The following SNAP23 variants were observed in gnomAD, a reference collection of about 807,000 sequenced individuals.
SNAP23 encodes synaptosome associated protein 23, also known as synaptosomal-associated protein 23.
Under a neutral mutation model 29.0 loss-of-function variants are expected in SNAP23, and 11 were observed. That is an observed-to-expected ratio of 0.38 (90% CI 0.24 to 0.63). SNAP23 has a LOEUF of 0.63. SNAP23 is among the 20% of genes least tolerant of loss of function. The pLI, the probability that SNAP23 is intolerant of heterozygous loss-of-function variation, is 0.58. For missense variants in SNAP23, 220 were observed against 253.9 expected, an observed-to-expected ratio of 0.87 and a Z score of 0.91; for synonymous variants, 60 against 82.9, an observed-to-expected ratio of 0.72 and a Z score of 1.50.
At chr15:42,493,350 C>A (rs112339499), upstream of SNAP23, among the ~76,000 whole-genome samples, 10,327 of 150,298 alleles carry the variant, frequency 0.069, 511 homozygotes, top group Admixed American at 0.15. Context: ...CTCTCTCTCT[C>A]TCTCTATATA....
chr15:42,521,412 G>GAGGAAAAAT, intron 5 of SNAP23: 1 of 965,180 alleles, frequency 1.0e-6, no homozygotes, highest in Non-Finnish European at 1.2e-6. Flanking sequence ...AATGTGCTCT[G>GAGGAAAAAT]GTTTAAATAG....
At chr15:42,521,800 G>C in intron 5 of SNAP23, 1 of 472,250 alleles carries the variant, frequency 2.1e-6, no homozygotes. Context: ...GTAGTGTAAA[G>C]TGAATTTGTT....
intron 6 of SNAP23, among the ~76,000 whole-genome samples, chr15:42,528,831 C>G (rs886735374): frequency 4.6e-5 from 7 of 152,166 alleles, no homozygotes; most frequent in Non-Finnish European, 8.8e-5. Context: ...GGTGATCCAC[C>G]TGCCTCGGCC....
upstream of SNAP23, among the ~76,000 whole-genome samples, chr15:42,493,553 T>G (rs891631009): frequency 1.5e-4 from 23 of 152,012 alleles, no homozygotes; most frequent in African/African-American, 5.6e-4. Flanking sequence ...ATCACAACCC[T>G]AAATGAACTA....
chr15:42,500,935 TTC>T (rs1168702559), intron 1 of SNAP23, among the ~76,000 whole-genome samples: 2 of 152,334 alleles, frequency 1.3e-5, no homozygotes, highest in Admixed American at 1.3e-4. Context: ...TTTTCCAGAA[TTC>T]TCTCTTCTTG....
chr15:42,517,821 C>T (rs1226105758), intron 5 of SNAP23, among the ~76,000 whole-genome samples: 2 of 152,144 alleles, frequency 1.3e-5, no homozygotes, highest in Non-Finnish European at 2.9e-5. Context: ...AGCAATCCAC[C>T]CACATCAGCC....
At chr15:42,520,322 T>A (rs983946582) in intron 5 of SNAP23, among the ~76,000 whole-genome samples, 5 of 152,064 alleles carry the variant, frequency 3.3e-5, no homozygotes, top group Admixed American at 6.5e-5. Context: ...GTGCTGGGAT[T>A]ACAGGCGTGA....
chr15:42,502,902 C>T lies in SNAP23; in HGVS notation c.-15+7189C>T, dbSNP rs527756815. On this transcript the variant is annotated intron_variant, in intron 1 of 7. Transcript: ENST00000249647. ...ATTTGACAGGGACTTGAAGACCAGG[C>T]GTTGGACATCAAGCAATTAAGTTAC... is the stretch of plus-strand genomic sequence containing the variant. Among the ~76,000 whole-genome samples the T allele has an allele frequency of 5.9e-5, 9 of 152,236 alleles. No homozygotes were observed. In the South Asian group the frequency reaches 8.3e-4, roughly 14 times the overall value.
intron 5 of SNAP23, among the ~76,000 whole-genome samples, chr15:42,526,748 G>C (rs1056371468): frequency 6.6e-6 from 1 of 151,724 alleles, no homozygotes; most frequent in African/African-American, 2.4e-5. Flanking sequence ...AAATAATCAA[G>C]AAAAGTTTTG....
intron 2 of SNAP23, 44 bp from the exon 3 acceptor site, chr15:42,512,911 T>C (rs2057368292): frequency 1.3e-6 from 2 of 1,494,134 alleles, no homozygotes; most frequent in African/African-American, 1.4e-5. Flanking sequence ...CAGATTTTTT[T>C]TTCTACATAT....
At chr15:42,529,195 A>C (rs1222386325) in intron 6 of SNAP23, among the ~76,000 whole-genome samples, 1 of 152,214 alleles carries the variant, frequency 6.6e-6, no homozygotes, top group Non-Finnish European at 1.5e-5. Flanking sequence ...TTTGAATAAC[A>C]CTTGATTTAC....
chr15:42,496,261 A>C (rs2057218682), intron 1 of SNAP23, among the ~76,000 whole-genome samples: 1 of 152,200 alleles, frequency 6.6e-6, no homozygotes, highest in Non-Finnish European at 1.5e-5. Flanking sequence ...TTCTTTAATC[A>C]GTCACCACAA....
chr15:42,508,122 C>T (rs957205849), intron 1 of SNAP23, among the ~76,000 whole-genome samples: 23 of 151,764 alleles, frequency 1.5e-4, no homozygotes, highest in South Asian at 1.5e-3. Context: ...AAAAATTAGC[C>T]GGGCATGATG....
chr15:42,510,789 A>G (rs1045817624), intron 1 of SNAP23, among the ~76,000 whole-genome samples: 3 of 152,158 alleles, frequency 2.0e-5, no homozygotes, highest in African/African-American at 7.2e-5. Flanking sequence ...GGGTCAGATT[A>G]TTCTTTGCTG....
intron 5 of SNAP23, among the ~76,000 whole-genome samples, chr15:42,517,678 AC>A (rs2057408501): frequency 6.6e-6 from 1 of 152,060 alleles, no homozygotes; most frequent in African/African-American, 2.4e-5. Context: ...TCAGCCTCTA[AC>A]CTCAGTAGAA....
At chr15:42,494,839 T>C (rs2057202993), upstream of SNAP23, among the ~76,000 whole-genome samples, 2 of 152,106 alleles carry the variant, frequency 1.3e-5, no homozygotes, top group African/African-American at 2.4e-5. Flanking sequence ...TTTTCTTGAT[T>C]TCCAGCAGTT....
chr15:42,515,332 C>G lies in SNAP23; in HGVS notation c.244C>G (p.Leu82Val). 1 of 1,605,312 alleles carries G rather than the reference C, an allele frequency of 6.2e-7. No individual in the cohort carries two copies. The highest frequency in any genetic ancestry group is 8.5e-7 in the Non-Finnish European group (1 of 1,173,810). Reference sequence around the variant, plus strand: ...AACAGAACTCAACAAATGCTGTGGCCTTTGTGTCTGCCCATGTAATAGGTG... The same window carrying G: ...AACAGAACTCAACAAATGCTGTGGCGTTTGTGTCTGCCCATGTAATAGGTG... ...TLTELNKCCGLCVCPCNRTKN... is the reference protein window; with the variant it reads ...TLTELNKCCGVCVCPCNRTKN... Residue 82 changes from leucine to valine, a missense_variant, in exon 5 of 8, where the codon CTT becomes GTT. Transcript: ENST00000249647.
At chr15:42,520,785 C>T (rs1478239493) in intron 5 of SNAP23, among the ~76,000 whole-genome samples, 1 of 152,244 alleles carries the variant, frequency 6.6e-6, no homozygotes, top group Non-Finnish European at 1.5e-5. Flanking sequence ...TGAGCCACCA[C>T]ACCCGGCCTT....
intron 5 of SNAP23, chr15:42,521,435 T>C (rs1427584370): frequency 1.0e-6 from 1 of 979,806 alleles, no homozygotes; most frequent in Admixed American, 6.2e-5. Flanking sequence ...TTCTTATTTT[T>C]CTTTTTATCT....
Sources: allele counts gnomAD v4.1 joint callset (sites outside exome capture counted in the v4.1 genomes callset), GRCh38; gene constraint gnomAD v4.1.1; transcripts MANE v1.5; gene names NCBI Gene and HGNC (gene_info 2026-07-23, HGNC 2026-07-21).